Variants in ADGRB3 observed in about 807,000 individuals in gnomAD.
The protein encoded by ADGRB3 is adhesion G protein-coupled receptor B3, also known as brain-specific angiogenesis inhibitor 3.
ADGRB3 carries 37 observed loss-of-function variants against 193.4 expected under a neutral mutation model. The observed-to-expected ratio is 0.19, with a 90% CI of 0.15 to 0.25. The LOEUF (loss-of-function observed/expected upper bound fraction) is 0.25, where lower values mean the gene tolerates loss of function less well. Ranked by LOEUF, ADGRB3 falls within the 10% of genes least tolerant of loss-of-function variation. The probability of loss-of-function intolerance (pLI) is 1.00; values close to 1 mark genes in which losing one functional copy is unlikely to be tolerated. For synonymous variants in ADGRB3, 690 were observed against 644.2 expected, an observed-to-expected ratio of 1.07 and a Z score of -1.08; for missense variants, 1,637 against 1,852.9, an observed-to-expected ratio of 0.88 and a Z score of 2.14.
intron 17 of ADGRB3, among the ~76,000 whole-genome samples, chr6:69,145,721 A>G (rs918560064): frequency 6.7e-6 from 1 of 148,608 alleles, no homozygotes; most frequent in African/African-American, 2.5e-5. Flanking sequence ...CTCTGCTGAC[A>G]GGGTATCACT....
At chr6:69,078,276 T>C (rs1582444274) in intron 17 of ADGRB3, among the ~76,000 whole-genome samples, 1 of 152,108 alleles carries the variant, frequency 6.6e-6, no homozygotes, top group East Asian at 1.9e-4. Context: ...TATTTTTTAC[T>C]TGTAAAACTT....
At chr6:69,354,476 G>A in intron 27 of ADGRB3, 148 bp downstream of exon 27, 1 of 670,068 alleles carries the variant, frequency 1.5e-6, no homozygotes, top group Non-Finnish European at 2.6e-6. Flanking sequence ...TGGTACCACA[G>A]AAGTATTATT....
intron 16 of ADGRB3, among the ~76,000 whole-genome samples, chr6:69,064,956 A>C (rs978582650): frequency 6.6e-6 from 1 of 152,148 alleles, no homozygotes; most frequent in Non-Finnish European, 1.5e-5. Context: ...GATTTACAGA[A>C]GATATAAACC....
At chr6:69,212,157 G>A (rs941232234) in intron 17 of ADGRB3, among the ~76,000 whole-genome samples, 10 of 152,108 alleles carry the variant, frequency 6.6e-5, no homozygotes, top group African/African-American at 1.9e-4. Flanking sequence ...ACTTTGAACA[G>A]TACAGCATTC....
chr6:68,719,373 A>G (rs1302431936), intron 3 of ADGRB3, among the ~76,000 whole-genome samples: 1 of 151,802 alleles, frequency 6.6e-6, no homozygotes, highest in Non-Finnish European at 1.5e-5. Context: ...TTGAATTTTA[A>G]TTAATATAAA....
intron 3 of ADGRB3, among the ~76,000 whole-genome samples, chr6:68,764,575 A>G (rs1314406125): frequency 3.9e-5 from 6 of 152,218 alleles, no homozygotes; most frequent in African/African-American, 1.4e-4. Context: ...CCACAAAAGC[A>G]GCACCAGTAA....
intron 17 of ADGRB3, 79 bp downstream of exon 17, chr6:69,076,117 T>A: frequency 8.0e-7 from 1 of 1,245,720 alleles, no homozygotes; most frequent in Non-Finnish European, 1.2e-6. Flanking sequence ...GCCTGCTAGT[T>A]AACAGGAATA....
chr6:69,368,995 G>A (rs1769648542), intron 29 of ADGRB3, among the ~76,000 whole-genome samples: 1 of 152,024 alleles, frequency 6.6e-6, no homozygotes. Flanking sequence ...ATTTACGTTA[G>A]GTTATTTGCA....
At chr6:69,137,076 TAA>T (rs374793449) in intron 17 of ADGRB3, among the ~76,000 whole-genome samples, 1,464 of 91,718 alleles carry the variant, frequency 0.016, 3 homozygotes, top group East Asian at 0.049. Context: ...TTTTTTTTTT[TAA>T]TGGTAAGATC....
chr6:69,045,414 T>A (rs1269132054), intron 13 of ADGRB3, among the ~76,000 whole-genome samples: 2 of 152,118 alleles, frequency 1.3e-5, no homozygotes, highest in Non-Finnish European at 2.9e-5. Context: ...ATAATTTGAA[T>A]CTCATCAGTG....
intron 17 of ADGRB3, among the ~76,000 whole-genome samples, chr6:69,122,122 C>A (rs1000479082): frequency 6.6e-6 from 1 of 150,560 alleles, no homozygotes; most frequent in African/African-American, 2.4e-5. Flanking sequence ...GATGTTGTGG[C>A]GAGCCGAGAT....
chr6:68,749,712 G>T (rs1321131902), intron 3 of ADGRB3, among the ~76,000 whole-genome samples: 2 of 151,856 alleles, frequency 1.3e-5, no homozygotes, highest in Non-Finnish European at 2.9e-5. Context: ...TAATACTGTT[G>T]CAGGATACAC....
At chr6:68,759,747 T>C (rs955346162) in intron 3 of ADGRB3, among the ~76,000 whole-genome samples, 1 of 152,086 alleles carries the variant, frequency 6.6e-6, no homozygotes, top group African/African-American at 2.4e-5. Context: ...AATGAAAATC[T>C]TTCCAATATG....
intron 3 of ADGRB3, among the ~76,000 whole-genome samples, chr6:68,656,784 C>T (rs778028856): frequency 2.0e-5 from 3 of 151,496 alleles, no homozygotes; most frequent in Non-Finnish European, 3.0e-5. Flanking sequence ...CACTCCCAAC[C>T]CTGCTTTCCA....
chr6:68,836,961 T>TAACC (rs1372705173), intron 3 of ADGRB3, among the ~76,000 whole-genome samples: 2 of 152,208 alleles, frequency 1.3e-5, no homozygotes, highest in African/African-American at 4.8e-5. Flanking sequence ...TTCAAAAAAG[T>TAACC]AACCTGCCTT....
chr6:69,104,427 A>C (rs1773153537), intron 17 of ADGRB3, among the ~76,000 whole-genome samples: 1 of 151,754 alleles, frequency 6.6e-6, no homozygotes, highest in Non-Finnish European at 1.5e-5. Context: ...TTCTTAATCC[A>C]GTCTATTATT....
At chr6:68,841,536 G>T (rs537800787) in intron 3 of ADGRB3, among the ~76,000 whole-genome samples, 4 of 152,120 alleles carry the variant, frequency 2.6e-5, no homozygotes, top group South Asian at 2.1e-4. Flanking sequence ...ATTAAGAAGA[G>T]AATTTAAAAA....
chr6:68,828,034 G>A (rs1361628090), intron 3 of ADGRB3, among the ~76,000 whole-genome samples: 7 of 152,154 alleles, frequency 4.6e-5, no homozygotes, highest in Non-Finnish European at 8.8e-5. Flanking sequence ...CTGGAACCAA[G>A]TCACTTAAAA....
intron 17 of ADGRB3, among the ~76,000 whole-genome samples, chr6:69,199,460 G>C (rs1488239711): frequency 2.6e-5 from 4 of 152,012 alleles, no homozygotes; most frequent in African/African-American, 7.2e-5. Flanking sequence ...TAAAGCACTA[G>C]AGTTCCTGGT....
Sources: allele counts gnomAD v4.1 joint callset (sites outside exome capture counted in the v4.1 genomes callset), GRCh38; gene constraint gnomAD v4.1.1; transcripts MANE v1.5; gene names NCBI Gene and HGNC (gene_info 2026-07-23, HGNC 2026-07-21).